SYNE1: variants seen among roughly 807,000 people sequenced by gnomAD.
SYNE1 encodes the protein nesprin-1.
SYNE1 carries 616 observed loss-of-function variants against 1,111.0 expected under a neutral mutation model. The ratio of observed to expected loss-of-function variants is 0.55; its 90% CI spans 0.52 to 0.59. SYNE1 has a LOEUF of 0.59. SYNE1 is among the 20% of genes least tolerant of loss of function. The pLI is 0.00. For synonymous variants in SYNE1, 3,855 were observed against 3,825.8 expected (o/e 1.01, Z -0.28); for missense variants, 10,006 against 10,417.0 (o/e 0.96, Z 1.72).
At chr6:152,404,430 A>G in intron 45 of SYNE1, 116 bp from the exon 46 acceptor site, 1 of 764,576 alleles carries the variant, frequency 1.3e-6, no homozygotes, top group Non-Finnish European at 2.2e-6. Context: ...GCCAGTGTAA[A>G]AAAAAATCTG....
At chr6:152,615,449 T>G (rs2099643265) in intron 3 of SYNE1, among the ~76,000 whole-genome samples, 1 of 151,826 alleles carries the variant, frequency 6.6e-6, no homozygotes, top group South Asian at 2.1e-4. Context: ...AAGCACAAAG[T>G]AACAGGAGAA....
intron 3 of SYNE1, among the ~76,000 whole-genome samples, chr6:152,577,954 A>G (rs2099505790): frequency 6.6e-6 from 1 of 152,056 alleles, no homozygotes; most frequent in Admixed American, 6.5e-5. Context: ...TCTTCTCTAC[A>G]TCCTGCATTT....
At position 152,456,157 on chromosome 6, in the gene SYNE1, C is replaced by T. The variant is rs896875919; in HGVS notation, c.2569-113G>A. On this transcript the variant is annotated intron_variant, in intron 22 of 145. Transcript: ENST00000367255. ...ACAACATTATATAGCTTTTAGGCTT[C>T]TAACACCAATAAGTAAAACCAAAAG... is the stretch of plus-strand genomic sequence containing the variant. The T allele has an allele frequency of 1.7e-5, 19 of 1,140,406 alleles. No homozygotes were observed. In the African/African-American group the frequency reaches 2.9e-4, roughly 18 times the overall value. 70.6% of individuals were successfully genotyped at this position (1,140,406 alleles called of 1,614,324 possible).
At chr6:152,245,308 ATAAG>A (rs2086837103) in intron 105 of SYNE1, among the ~76,000 whole-genome samples, 1 of 152,228 alleles carries the variant, frequency 6.6e-6, no homozygotes, top group South Asian at 2.1e-4. Flanking sequence ...AAGGCTGAAT[ATAAG>A]TAAGTACTAT....
intron 130 of SYNE1, among the ~76,000 whole-genome samples, chr6:152,168,539 G>A (rs2153066013): frequency 6.6e-6 from 1 of 152,306 alleles, no homozygotes; most frequent in East Asian, 1.9e-4. Flanking sequence ...ACACTCTGCT[G>A]TTCTGTAAGG....
chr6:152,174,840 T>A (rs1312764326), intron 130 of SYNE1, among the ~76,000 whole-genome samples: 1 of 152,220 alleles, frequency 6.6e-6, no homozygotes, highest in East Asian at 1.9e-4. Context: ...CGTAGCATGG[T>A]CATTGGAATC....
intron 45 of SYNE1, among the ~76,000 whole-genome samples, chr6:152,405,613 T>C (rs998907463): frequency 2.8e-4 from 42 of 152,364 alleles, no homozygotes; most frequent in African/African-American, 9.9e-4. Context: ...AATGGTTGTT[T>C]TTAACAGTGG....
intron 14 of SYNE1, among the ~76,000 whole-genome samples, chr6:152,478,837 A>G (rs2098853985): frequency 6.6e-6 from 1 of 152,132 alleles, no homozygotes; most frequent in African/African-American, 2.4e-5. Context: ...AGCCACAGTC[A>G]GCTACATGTG....
chr6:152,364,239 G>A (rs1332346745), intron 63 of SYNE1, among the ~76,000 whole-genome samples: 1 of 152,142 alleles, frequency 6.6e-6, no homozygotes, highest in East Asian at 1.9e-4. Context: ...CCCCAGCCAT[G>A]AGGAATTGGG....
intron 11 of SYNE1, among the ~76,000 whole-genome samples, chr6:152,490,663 C>T (rs543257054): frequency 1.3e-5 from 2 of 152,328 alleles, no homozygotes; most frequent in Admixed American, 6.5e-5. Flanking sequence ...CGGACTCAGT[C>T]TGCCTGCACT....
intron 127 of SYNE1, among the ~76,000 whole-genome samples, chr6:152,200,222 A>T (rs561796602): frequency 6.6e-6 from 1 of 152,292 alleles, no homozygotes; most frequent in East Asian, 1.9e-4. Context: ...CAGGCAACCC[A>T]GATATTTACT....
At chr6:152,611,873 T>C (rs557317986) in intron 3 of SYNE1, among the ~76,000 whole-genome samples, 6 of 151,998 alleles carry the variant, frequency 3.9e-5, no homozygotes, top group African/African-American at 1.2e-4. Context: ...ACGTGGAAAC[T>C]GAACAACCTG....
chr6:152,608,043 G>T (rs542804802), intron 3 of SYNE1, among the ~76,000 whole-genome samples: 2 of 152,164 alleles, frequency 1.3e-5, no homozygotes, highest in South Asian at 4.1e-4. Context: ...AGGGGTGAGG[G>T]GCAAGGGGAG....
intron 124 of SYNE1, 104 bp from the exon 125 acceptor site, chr6:152,208,310 G>T: frequency 9.9e-7 from 1 of 1,011,812 alleles, no homozygotes; most frequent in Non-Finnish European, 1.5e-6. Flanking sequence ...CCTGAGAAGT[G>T]ATCTAGGGCG....
At chr6:152,517,052 A>G (rs988008088) in intron 6 of SYNE1, among the ~76,000 whole-genome samples, 1 of 152,232 alleles carries the variant, frequency 6.6e-6, no homozygotes, top group African/African-American at 2.4e-5. Context: ...TTTGCACACT[A>G]TCCTAATGCC....
chr6:152,593,313 G>A (rs1281034971), intron 3 of SYNE1, among the ~76,000 whole-genome samples: 4 of 152,130 alleles, frequency 2.6e-5, no homozygotes, highest in African/African-American at 4.8e-5. Flanking sequence ...GGCTGGGCAC[G>A]GTGGCTTATG....
chr6:152,219,235 T>C, intron 119 of SYNE1, 50 bp from the exon 120 acceptor site: 1 of 1,565,564 alleles, frequency 6.4e-7, no homozygotes, highest in South Asian at 1.1e-5. Flanking sequence ...ATACTCCTTA[T>C]CATAAACAGC....
At chr6:152,578,756 G>A (rs1228837407) in intron 3 of SYNE1, among the ~76,000 whole-genome samples, 1 of 152,004 alleles carries the variant, frequency 6.6e-6, no homozygotes, top group African/African-American at 2.4e-5. Context: ...TTAAGAATTT[G>A]ACCTCTAATT....
rs763330101 is a variant in SYNE1 at position 152,323,624 on chromosome 6, G to A, written c.15771C>T (p.Phe5257=). 3 of 1,614,200 alleles carry A rather than the reference G, an allele frequency of 1.9e-6. No individual in the cohort carries two copies. Among genetic ancestry groups the A allele is most frequent in the African/African-American group, 1.3e-5 (1 of 75,062 alleles). The change falls in exon 82 of 146, where the codon TTC becomes TTT. Residue 5257 remains phenylalanine, a synonymous_variant. Coordinates refer to ENST00000367255, the MANE Select transcript of SYNE1 (RefSeq NM_182961.4). ...ACTGCTGCTGCTCCAGCTCCAGAACGAACGTGTCGTGGTATTCAAGAAGAG... is the reference window on the plus strand; with the variant it reads ...ACTGCTGCTGCTCCAGCTCCAGAACAAACGTGTCGTGGTATTCAAGAAGAG... The part of the protein sequence containing the change: ...LLTLLEYHDT[F]VLELEQQQSA...
Sources: gnomAD v4.1 joint callset for allele counts (sites outside exome capture counted in the v4.1 genomes callset) on GRCh38, gnomAD v4.1.1 for gene constraint, MANE v1.5 for transcripts, NCBI Gene and HGNC (gene_info 2026-07-23, HGNC 2026-07-21) for gene names.